FREY1: variants seen among roughly 807,000 people sequenced by gnomAD.
FREY1 encodes the protein Frey regulator of sperm-oocyte fusion 1.
chr11:45,906,775 G>A, the FREY1 span: 1 of 1,601,426 alleles, frequency 6.2e-7, no homozygotes, highest in Non-Finnish European at 8.5e-7. Flanking sequence ...TGTGGTTTGG[G>A]ATGACAAGCC....
At chr11:45,906,874 A>C in the FREY1 span, 1 of 1,613,830 alleles carries the variant, frequency 6.2e-7, no homozygotes, top group South Asian at 1.1e-5. Context: ...ACTACCATCC[A>C]CCAGGCCGGA....
the FREY1 span, chr11:45,907,149 G>T: frequency 7.1e-6 from 11 of 1,556,948 alleles, no homozygotes; most frequent in Non-Finnish European, 9.6e-6. Context: ...AGTCACCTCA[G>T]AGGCTGGGAG....
chr11:45,907,244 A>G, the FREY1 span: 1 of 1,547,398 alleles, frequency 6.5e-7, no homozygotes, highest in South Asian at 1.2e-5. Context: ...GGCGAGAACC[A>G]TCTCCTACAC....
At chr11:45,907,108 G>T in the FREY1 span, 1 of 1,543,056 alleles carries the variant, frequency 6.5e-7, no homozygotes, top group Non-Finnish European at 8.8e-7. Context: ...TCCACCATCC[G>T]GCCCAAGTGC....
chr11:45,907,270 T>A, the FREY1 span: 1 of 1,511,122 alleles, frequency 6.6e-7, no homozygotes, highest in Non-Finnish European at 8.9e-7. Flanking sequence ...CTGGCTCCTG[T>A]CGTCCCTATG....
At chr11:45,906,844 G>A in the FREY1 span, 1 of 1,613,446 alleles carries the variant, frequency 6.2e-7, no homozygotes, top group Non-Finnish European at 8.5e-7. Context: ...GGATGGGTAG[G>A]GGAAGGGGAC....
At chr11:45,906,647 T>C in the FREY1 span, 8 of 1,593,294 alleles carry the variant, frequency 5.0e-6, no homozygotes, top group Non-Finnish European at 6.8e-6. Flanking sequence ...ACAGGAGGGG[T>C]CGAGGCCCTC....
the FREY1 span, chr11:45,906,598 C>T: frequency 5.1e-6 from 8 of 1,574,892 alleles, no homozygotes; most frequent in Non-Finnish European, 6.9e-6. Context: ...TAATACTCGG[C>T]AAGGTCGGGC....
the FREY1 span, chr11:45,907,044 G>C: frequency 5.8e-6 from 9 of 1,544,628 alleles, no homozygotes; most frequent in African/African-American, 8.2e-5. Context: ...GCAAGCCCTC[G>C]AACGCCCAGG....
the FREY1 span, chr11:45,906,693 A>G: frequency 1.3e-6 from 2 of 1,579,216 alleles, no homozygotes; most frequent in Admixed American, 1.8e-5. Context: ...GCCATAGTCT[A>G]AAGAGAGAAA....
chr11:45,906,568 G>T, the FREY1 span: 4 of 1,542,362 alleles, frequency 2.6e-6, no homozygotes, highest in Non-Finnish European at 2.6e-6. Context: ...AGGGCCTTGG[G>T]TCATAGGTGT....
At chr11:45,907,230 G>C in the FREY1 span, 1 of 1,552,524 alleles carries the variant, frequency 6.4e-7, no homozygotes. Context: ...AGAGCCCCCA[G>C]CATGGCGAGA....
chr11:45,907,226 C>T, the FREY1 span: 18 of 1,552,954 alleles, frequency 1.2e-5, no homozygotes, highest in South Asian at 1.5e-4. Flanking sequence ...GTGCAGAGCC[C>T]CCAGCATGGC....
At chr11:45,906,540 A>G in the FREY1 span, 16 of 1,505,858 alleles carry the variant, frequency 1.1e-5, no homozygotes, top group Admixed American at 2.1e-4. Flanking sequence ...AGCCTTTGTC[A>G]CACATGGTAT....
the FREY1 span, chr11:45,906,615 C>A: frequency 6.9e-6 from 11 of 1,589,126 alleles, no homozygotes; most frequent in Non-Finnish European, 8.6e-6. Flanking sequence ...GGGCCCGTCC[C>A]GCTTGCGCTG....
chr11:45,906,595 C>T, the FREY1 span: 164 of 1,572,542 alleles, frequency 1.0e-4, 3 homozygotes, highest in South Asian at 1.3e-3. Context: ...TAGTAATACT[C>T]GGCAAGGTCG....
At chr11:45,907,121 T>G in the FREY1 span, 1 of 1,550,118 alleles carries the variant, frequency 6.5e-7, no homozygotes, top group Admixed American at 1.9e-5. Context: ...CCAAGTGCCC[T>G]GCCCTCTGTG....
At chr11:45,906,684 C>T in the FREY1 span, 1 of 1,583,166 alleles carries the variant, frequency 6.3e-7, no homozygotes, top group Admixed American at 1.8e-5. Flanking sequence ...GGGGAGGATG[C>T]CATAGTCTAA....
chr11:45,906,942 C>G, the FREY1 span: 1 of 1,613,762 alleles, frequency 6.2e-7, no homozygotes, highest in Non-Finnish European at 8.5e-7. Context: ...ACCGCTGAGA[C>G]CTGTGGGAGA....
Sources: allele counts gnomAD v4.1 joint callset, GRCh38; gene constraint gnomAD v4.1.1; transcripts MANE v1.5; gene names NCBI Gene and HGNC (gene_info 2026-07-23, HGNC 2026-07-21).